Variants in TAF4B observed in about 807,000 individuals in gnomAD.
The protein encoded by TAF4B is transcription initiation factor TFIID subunit 4B.
A neutral mutation model predicts 86.4 loss-of-function variants in TAF4B; 38 were observed. That is an observed-to-expected ratio of 0.44 (90% CI 0.34 to 0.58). The LOEUF is 0.58. Among genes scored for constraint, TAF4B ranks in the 20% least tolerant of loss-of-function variants. TAF4B has a pLI of 0.02. For missense variants in TAF4B, 988 were observed against 1,027.6 expected (o/e 0.96, Z 0.53); for synonymous variants, 388 against 391.2 (o/e 0.99, Z 0.10).
At chr18:26,293,041 A>C (rs2056613564) in intron 8 of TAF4B, among the ~76,000 whole-genome samples, 1 of 152,184 alleles carries the variant, frequency 6.6e-6, no homozygotes, top group African/African-American at 2.4e-5. Flanking sequence ...ACATGCATGC[A>C]TATGTATGGA....
At position 26,251,523 on chromosome 18, in the gene TAF4B, T is replaced by C. The variant is rs145920894; in HGVS notation, c.344-13647T>C. Among the ~76,000 whole-genome samples the C allele has an allele frequency of 2.0e-3, 311 of 152,264 alleles. 1 individual carries two copies. Among genetic ancestry groups the C allele is most frequent in the African/African-American group, 7.2e-3 (301 of 41,548 alleles). ...GCTGAAGGGTAGAATATGTAAATCA[T>C]GTACCAAGTAGAGAGTGGACACTGG... On this transcript the variant is annotated intron_variant, in intron 1 of 14. Transcript: ENST00000269142.
intron 9 of TAF4B, among the ~76,000 whole-genome samples, chr18:26,311,847 G>A (rs2056856912): frequency 1.3e-5 from 2 of 152,202 alleles, no homozygotes; most frequent in Admixed American, 1.3e-4. Flanking sequence ...TACTTTAGAA[G>A]AAGTAGTCTG....
chr18:26,319,940 C>G (rs1055300917), intron 10 of TAF4B, among the ~76,000 whole-genome samples: 2 of 152,102 alleles, frequency 1.3e-5, no homozygotes, highest in Non-Finnish European at 2.9e-5. Context: ...ATTTTTTTCC[C>G]TGCCTGAATC....
intron 3 of TAF4B, among the ~76,000 whole-genome samples, chr18:26,267,920 G>A (rs888497324): frequency 6.6e-6 from 1 of 152,112 alleles, no homozygotes; most frequent in African/African-American, 2.4e-5. Flanking sequence ...GGATATGTAG[G>A]GATAAATACC....
intron 14 of TAF4B, among the ~76,000 whole-genome samples, chr18:26,369,127 T>A (rs1349806703): frequency 6.6e-6 from 1 of 152,044 alleles, no homozygotes; most frequent in East Asian, 1.9e-4. Flanking sequence ...AACAACAGAT[T>A]GGCAAGGATC....
chr18:26,291,393 C>T (rs932409531), intron 7 of TAF4B, among the ~76,000 whole-genome samples: 2 of 151,886 alleles, frequency 1.3e-5, no homozygotes, highest in Admixed American at 6.6e-5. Flanking sequence ...TTAGACCGGG[C>T]GTGGTGGCTC....
At chr18:26,244,464 T>C (rs575328846) in intron 1 of TAF4B, among the ~76,000 whole-genome samples, 106 of 152,312 alleles carry the variant, frequency 7.0e-4, no homozygotes, top group African/African-American at 2.5e-3. Flanking sequence ...ATTTTCCAGG[T>C]ACTGTCTGTC....
chr18:26,374,971 A>G (rs1339938309), intron 14 of TAF4B, among the ~76,000 whole-genome samples: 2 of 152,200 alleles, frequency 1.3e-5, no homozygotes, highest in Non-Finnish European at 2.9e-5. Context: ...TGTCCAGTCC[A>G]GCTCTTTTTG....
At chr18:26,245,240 C>T (rs2055904968) in intron 1 of TAF4B, among the ~76,000 whole-genome samples, 1 of 152,114 alleles carries the variant, frequency 6.6e-6, no homozygotes, top group Non-Finnish European at 1.5e-5. Flanking sequence ...GTGGCGATAT[C>T]CTGAACAAGC....
intron 2 of TAF4B, chr18:26,266,951 C>G (rs536063978): frequency 6.6e-6 from 1 of 152,128 alleles, no homozygotes; most frequent in Non-Finnish European, 1.5e-5. Context: ...TGTAGTTTAG[C>G]ATTTTCTTGA....
intron 1 of TAF4B, chr18:26,255,618 A>AT: frequency 1.3e-6 from 1 of 794,666 alleles, no homozygotes; most frequent in Non-Finnish European, 2.0e-6. Context: ...AAAAAAAAAA[A>AT]GAGGGTCAGT....
At chr18:26,269,486 C>T (rs868451711) in intron 3 of TAF4B, among the ~76,000 whole-genome samples, 4 of 152,172 alleles carry the variant, frequency 2.6e-5, no homozygotes, top group Middle Eastern at 6.8e-3. Flanking sequence ...GTGATGAAAC[C>T]AGTGGATCTG....
At chr18:26,247,117 G>A (rs536870238) in intron 1 of TAF4B, among the ~76,000 whole-genome samples, 4 of 151,972 alleles carry the variant, frequency 2.6e-5, no homozygotes, top group Admixed American at 1.3e-4. Context: ...CACCCGCCTC[G>A]GCCTCCCAAA....
intron 14 of TAF4B, among the ~76,000 whole-genome samples, chr18:26,360,962 A>T (rs980492764): frequency 6.6e-6 from 1 of 152,188 alleles, no homozygotes; most frequent in African/African-American, 2.4e-5. Flanking sequence ...AGTTTAATAC[A>T]AATTTTAATA....
chr18:26,313,037 T>C (rs572778694), intron 9 of TAF4B, among the ~76,000 whole-genome samples: 5 of 152,322 alleles, frequency 3.3e-5, no homozygotes, highest in South Asian at 2.1e-4. Context: ...AAATTTCTTA[T>C]GTATCTTTCC....
intron 14 of TAF4B, among the ~76,000 whole-genome samples, chr18:26,382,100 C>A (rs1299212935): frequency 6.6e-6 from 1 of 152,160 alleles, no homozygotes. Flanking sequence ...TGAGGCACAG[C>A]AACCCTTATT....
chr18:26,313,305 C>T (rs552312178), intron 9 of TAF4B, among the ~76,000 whole-genome samples: 3 of 152,216 alleles, frequency 2.0e-5, no homozygotes, highest in South Asian at 4.1e-4. Context: ...TTTACATAGT[C>T]CCATTAAAAT....
At chr18:26,299,741 A>G (rs1217501639) in intron 9 of TAF4B, among the ~76,000 whole-genome samples, 6 of 152,128 alleles carry the variant, frequency 3.9e-5, no homozygotes, top group Non-Finnish European at 7.4e-5. Context: ...TTTTAATGCC[A>G]ATTTCATGAA....
At chr18:26,338,344 G>A (rs1001149217) in intron 13 of TAF4B, among the ~76,000 whole-genome samples, 2 of 151,976 alleles carry the variant, frequency 1.3e-5, no homozygotes, top group Non-Finnish European at 2.9e-5. Context: ...AGTTACTCAG[G>A]AGTCTGAGAC....
Sources: gnomAD v4.1 joint callset for allele counts (sites outside exome capture counted in the v4.1 genomes callset) on GRCh38, gnomAD v4.1.1 for gene constraint, MANE v1.5 for transcripts, NCBI Gene and HGNC (gene_info 2026-07-23, HGNC 2026-07-21) for gene names.